ANK2: variants seen among roughly 807,000 people sequenced by gnomAD.
The protein encoded by ANK2 is ankyrin-2.
In ANK2, 83 loss-of-function variants were observed where a neutral mutation model predicts 360.5. That is an observed-to-expected ratio of 0.23 (90% CI 0.19 to 0.28). The LOEUF (loss-of-function observed/expected upper bound fraction) is 0.28, where lower values mean the gene tolerates loss of function less well. ANK2 is among the 10% of genes least tolerant of loss of function. The pLI is 1.00. For synonymous variants in ANK2, 1,740 were observed against 1,759.5 expected (o/e 0.99, Z 0.28); for missense variants, 4,201 against 4,795.7 (o/e 0.88, Z 3.66).
intron 1 of ANK2, among the ~76,000 whole-genome samples, chr4:113,125,540 C>T (rs1016928434): frequency 6.6e-6 from 1 of 152,140 alleles, no homozygotes; most frequent in African/African-American, 2.4e-5. Flanking sequence ...GAGACCTCTG[C>T]TTAATTCTGT....
rs1302073543 is a variant in ANK2, at chr4:113,336,598, C to T, written c.3613C>T (p.Leu1205=). The T allele has an allele frequency of 6.2e-7, 1 of 1,613,914 alleles. No individual in the cohort carries two copies. The highest frequency in any genetic ancestry group is 1.3e-5 in the African/African-American group (1 of 74,898). Residue 1205 remains leucine (L), a synonymous_variant, in exon 31 of 46, where the codon CTG becomes TTG. Transcript: ENST00000357077. ...AAAGGCTCAACCTATGCACAGTGAG[C>T]TGGTTAAGAAGATCCTAGGCAACAA... The part of the protein sequence containing the change: ...GLQAQPMHSE[L]VKKILGNKAT...
intron 2 of ANK2, among the ~76,000 whole-genome samples, chr4:112,982,961 CTGTT>C (rs147024739): frequency 0.012 from 1,865 of 152,228 alleles, 18 homozygotes; most frequent in South Asian, 0.022. Context: ...GTTTTATACT[CTGTT>C]TGAAGAATGC....
At chr4:112,747,547 A>C in the ANK2 span, among the ~76,000 whole-genome samples, 4 of 152,212 alleles carry the variant, frequency 2.6e-5, no homozygotes, top group African/African-American at 4.8e-5. Context: ...TGAAAGAAAA[A>C]GGAAGAGAAA....
intron 45 of ANK2, among the ~76,000 whole-genome samples, chr4:113,376,022 C>A (rs554547802): frequency 6.6e-6 from 1 of 152,270 alleles, no homozygotes; most frequent in South Asian, 2.1e-4. Context: ...CAGAGGTTGC[C>A]ATTTTTAAAA....
chr4:112,933,753 G>A (rs1033230696), intron 2 of ANK2, among the ~76,000 whole-genome samples: 1 of 152,150 alleles, frequency 6.6e-6, no homozygotes, highest in African/African-American at 2.4e-5. Context: ...GCCCACCTTG[G>A]CCTCCCAACG....
At position 113,270,189 on chromosome 4, in the gene ANK2, G is replaced by A. The variant is rs572154973; in HGVS notation, c.1486-4263G>A. Among the ~76,000 whole-genome samples, 60 of 152,022 alleles carry A rather than the reference G, an allele frequency of 3.9e-4. 1 individual carries two copies. Among genetic ancestry groups the A allele is most frequent in the South Asian group, 1.5e-3 (7 of 4,826 alleles). ...TGTTCCTGTAAATTTTTTGTAATTC[G>A]TATTTAATAATGAAAGAGTTTCCCA... On this transcript the variant is annotated intron_variant, in intron 14 of 45. Coordinates refer to ENST00000357077, the MANE Select transcript of ANK2 (RefSeq NM_001148.6).
chr4:112,794,192 A>G, the ANK2 span, among the ~76,000 whole-genome samples: 37,597 of 152,208 alleles, frequency 0.25, 5,109 homozygotes, highest in East Asian at 0.53. Flanking sequence ...ATAAAAGATT[A>G]TGAAAATCCT....
In ANK2 at chr4:113,350,348, G is replaced by A. The variant is rs1330285395; in HGVS notation, c.4426+99G>A. The A allele has an allele frequency of 4.1e-6, 4 of 976,660 alleles. No homozygotes were observed. In the African/African-American group the frequency reaches 6.6e-5, roughly 16 times the overall value. The allele number at this position is 976,660 out of a possible 1,614,324, so 60.5% of individuals were successfully genotyped here. On this transcript the variant is annotated intron_variant, in intron 37 of 45. Transcript: ENST00000357077. ...CTAGTTGCTATTACTAACCACTATA[G>A]TAATTACATTTTTATATTATCCTTA...
chr4:112,988,116 A>G lies in ANK2; in HGVS notation c.21+83602A>G, dbSNP rs189603832. Among the ~76,000 whole-genome samples, 67 of 150,720 alleles carry G rather than the reference A, an allele frequency of 4.4e-4. No homozygotes were observed. In the East Asian group the frequency reaches 7.9e-3, roughly 18 times the overall value. The stretch of plus-strand genomic sequence containing the variant: ...CACCAGAACTGCAGTGATAATAGCT[A>G]TGTAAGTGGGGCTGCTAGGGAAATA... On this transcript the variant is annotated intron_variant, in intron 2 of 30. Transcript: ENST00000503271.
chr4:113,127,370 C>T (rs1046653811), intron 1 of ANK2, among the ~76,000 whole-genome samples: 3 of 151,908 alleles, frequency 2.0e-5, no homozygotes, highest in Non-Finnish European at 2.9e-5. Context: ...CAAGTAACTT[C>T]CCTTTTAGAT....
chr4:112,713,338 G>A, the ANK2 span, among the ~76,000 whole-genome samples: 3 of 152,080 alleles, frequency 2.0e-5, no homozygotes, highest in Non-Finnish European at 4.4e-5. Flanking sequence ...GGAAGGCCGA[G>A]GTGGGCAGAT....
At chr4:112,914,909 G>A (rs1053798929) in intron 2 of ANK2, among the ~76,000 whole-genome samples, 6 of 152,320 alleles carry the variant, frequency 3.9e-5, no homozygotes, top group African/African-American at 1.4e-4. Context: ...AGGAATACAT[G>A]AATTTGAAGA....
At chr4:112,796,589 A>G in the ANK2 span, among the ~76,000 whole-genome samples, 1 of 151,196 alleles carries the variant, frequency 6.6e-6, no homozygotes, top group Non-Finnish European at 1.5e-5. Context: ...GCCTCAAGCA[A>G]TCCTCTCACT....
intron 1 of ANK2, among the ~76,000 whole-genome samples, chr4:113,108,968 T>A (rs2093980460): frequency 6.6e-6 from 1 of 152,210 alleles, no homozygotes; most frequent in African/African-American, 2.4e-5. Context: ...TACATCATTA[T>A]CAAAACTTTG....
intron 2 of ANK2, among the ~76,000 whole-genome samples, chr4:113,185,008 G>A (rs142970123): frequency 0.03 from 4,554 of 152,076 alleles, 233 homozygotes; most frequent in African/African-American, 0.1. Context: ...TTCCAGCTTC[G>A]TCCATGTCCC....
chr4:112,817,553 G>A (rs1456696210), upstream of ANK2, among the ~76,000 whole-genome samples: 1 of 152,046 alleles, frequency 6.6e-6, no homozygotes, highest in Non-Finnish European at 1.5e-5. Context: ...TTACCTCACT[G>A]AGATTGCCCA....
intron 4 of ANK2, among the ~76,000 whole-genome samples, chr4:113,203,522 T>A (rs2098887308): frequency 6.6e-6 from 1 of 152,138 alleles, no homozygotes; most frequent in Non-Finnish European, 1.5e-5. Context: ...CTTTATAGTT[T>A]CAGGATTATG....
intron 13 of ANK2, 22 bp from the exon 14 acceptor site, chr4:113,264,875 G>C (rs974883568): frequency 2.6e-6 from 4 of 1,552,944 alleles, no homozygotes; most frequent in Non-Finnish European, 3.5e-6. Flanking sequence ...TTTATGATTT[G>C]ACGATCTTTG....
chr4:113,222,391 ATTTTTTTT>A (rs397880062), intron 4 of ANK2, among the ~76,000 whole-genome samples: 3 of 122,478 alleles, frequency 2.4e-5, no homozygotes, highest in African/African-American at 9.6e-5. Flanking sequence ...CTCTGAAACA[ATTTTTTTT>A]TTTTTTTTTT....
Sources: allele counts gnomAD v4.1 joint callset (sites outside exome capture counted in the v4.1 genomes callset), GRCh38; gene constraint gnomAD v4.1.1; transcripts MANE v1.5; gene names NCBI Gene and HGNC (gene_info 2026-07-23, HGNC 2026-07-21).